Variants in NXPH2 observed in about 807,000 individuals in gnomAD.
NXPH2 encodes neurexophilin 2.
Under a neutral mutation model 19.8 loss-of-function variants are expected in NXPH2, and 5 were observed. The ratio of observed to expected loss-of-function variants is 0.25; its 90% CI spans 0.13 to 0.53. The LOEUF is 0.53. NXPH2 is among the 20% of genes least tolerant of loss of function. The probability of loss-of-function intolerance (pLI) is 0.96; values close to 1 mark genes in which losing one functional copy is unlikely to be tolerated. For synonymous variants in NXPH2, 154 were observed against 127.4 expected (o/e 1.21, Z -1.41); for missense variants, 289 against 322.8 (o/e 0.90, Z 0.80).
At chr2:138,742,915 G>C (rs976505523) in intron 1 of NXPH2, among the ~76,000 whole-genome samples, 3 of 152,070 alleles carry the variant, frequency 2.0e-5, no homozygotes, top group African/African-American at 7.2e-5. Context: ...AACAAATATT[G>C]ATTGGTCTCG....
In NXPH2 at chr2:138,671,291, G is replaced by A; in HGVS notation, c.426C>T (p.Phe142=). The stretch of plus-strand genomic sequence containing the variant: ...TTGAATTATGTCGGAAATACACACT[G>A]AAGGTTCCATTTCCATGGTCAACAA... ...GKIVDHGNGT[F]SVYFRHNSTG... is the part of the protein sequence containing the mutation. Residue 142 remains phenylalanine (F), a synonymous_variant, in exon 2 of 2, where the codon TTC becomes TTT. Transcript: ENST00000272641. 6.2e-7 allele frequency: 1 copy of A among 1,613,894 alleles called. No individual in the cohort carries two copies. Among genetic ancestry groups the A allele is most frequent in the Non-Finnish European group, 8.5e-7 (1 of 1,179,828 alleles).
chr2:138,713,338 CT>C (rs1573963458), intron 1 of NXPH2, among the ~76,000 whole-genome samples: 1 of 152,140 alleles, frequency 6.6e-6, no homozygotes, highest in East Asian at 1.9e-4. Flanking sequence ...GAAGAGGGAC[CT>C]TTGTACGTTG....
intron 1 of NXPH2, among the ~76,000 whole-genome samples, chr2:138,686,283 C>T (rs924664248): frequency 5.3e-5 from 8 of 152,144 alleles, no homozygotes; most frequent in African/African-American, 1.9e-4. Flanking sequence ...CACCAGCAAC[C>T]TCTTCCCGTA....
intron 1 of NXPH2, among the ~76,000 whole-genome samples, chr2:138,778,893 C>T (rs1682307279): frequency 6.6e-6 from 1 of 152,134 alleles, no homozygotes; most frequent in Non-Finnish European, 1.5e-5. Context: ...TTCTTGATGC[C>T]ATTGAAGAGT....
intron 1 of NXPH2, among the ~76,000 whole-genome samples, chr2:138,687,995 T>A (rs1342376708): frequency 6.6e-6 from 1 of 152,230 alleles, no homozygotes; most frequent in Non-Finnish European, 1.5e-5. Flanking sequence ...TTTGTTCTTT[T>A]GGCTTAGGAT....
chr2:138,671,631 G>A lies in NXPH2; in HGVS notation c.86C>T (p.Thr29Met), dbSNP rs369626506. ...TTTGTCTTCCCAATCCAGCCCCTCC[G>A]TGGCATGCACCACTTCCTTACTGTC... is the stretch of plus-strand genomic sequence containing the variant. ...FCDSKEVVHATEGLDWEDKDA... is the reference protein window; with the variant it reads ...FCDSKEVVHAMEGLDWEDKDA... Residue 29 changes from threonine to methionine, a missense_variant, in exon 2 of 2, where the codon ACG (threonine) becomes ATG (methionine). By Grantham distance (81) the Thr-to-Met change is moderately conservative. Coordinates refer to ENST00000272641, the MANE Select transcript of NXPH2 (RefSeq NM_007226.3). The A allele has an allele frequency of 3.1e-6, 5 of 1,593,760 alleles. No homozygotes were observed. The African/African-American group carries it at 5.4e-5, about 17-fold the overall frequency.
chr2:138,673,440 T>C (rs1558910199), intron 1 of NXPH2, among the ~76,000 whole-genome samples: 1 of 152,176 alleles, frequency 6.6e-6, no homozygotes, highest in East Asian at 1.9e-4. Flanking sequence ...GATACATGCA[T>C]AAAATGTGTA....
rs559515019 is a variant in NXPH2 at position 138,736,658 on chromosome 2, T to C, written c.51+43533A>G. Among the ~76,000 whole-genome samples, 11 of 152,370 alleles carry C rather than the reference T, an allele frequency of 7.2e-5. No homozygotes were observed. In the South Asian group the frequency reaches 2.1e-3, roughly 29 times the overall value. On this transcript the variant is annotated intron_variant, in intron 1 of 1. Transcript: ENST00000272641. The stretch of plus-strand genomic sequence containing the variant: ...TTAACATTTGGCTCCAGGTTACTTA[T>C]GCAAATTTCTGCAGCCAGCTTGAAT...
chr2:138,752,406 A>C (rs1396108302), intron 1 of NXPH2, among the ~76,000 whole-genome samples: 1 of 152,174 alleles, frequency 6.6e-6, no homozygotes, highest in Non-Finnish European at 1.5e-5. Flanking sequence ...TTCAAAAGAG[A>C]TATCTACATC....
At chr2:138,688,392 G>A (rs1025726507) in intron 1 of NXPH2, among the ~76,000 whole-genome samples, 1 of 152,104 alleles carries the variant, frequency 6.6e-6, no homozygotes. Context: ...GTGTTGCCCA[G>A]GCTGGTCTTG....
At chr2:138,687,825 G>C (rs1442607206) in intron 1 of NXPH2, among the ~76,000 whole-genome samples, 4 of 152,086 alleles carry the variant, frequency 2.6e-5, no homozygotes, top group African/African-American at 9.7e-5. Context: ...TTTTTGTCAG[G>C]TTTGTCAAAG....
chr2:138,767,672 C>T (rs13002439), intron 1 of NXPH2, among the ~76,000 whole-genome samples: 3,823 of 152,172 alleles, frequency 0.025, 64 homozygotes, highest in Middle Eastern at 0.071. Context: ...TAAGATAAAA[C>T]GTTTTTTTCC....
chr2:138,695,575 G>T (rs1010425958), intron 1 of NXPH2, among the ~76,000 whole-genome samples: 19 of 151,992 alleles, frequency 1.3e-4, no homozygotes, highest in Non-Finnish European at 2.5e-4. Flanking sequence ...AGGTAAAAAT[G>T]ATTTTTATTC....
intron 1 of NXPH2, among the ~76,000 whole-genome samples, chr2:138,712,402 A>G (rs1208223404): frequency 6.6e-6 from 1 of 152,194 alleles, no homozygotes; most frequent in Non-Finnish European, 1.5e-5. Flanking sequence ...TAGGCCAAAG[A>G]TCATTTCCTG....
intron 1 of NXPH2, among the ~76,000 whole-genome samples, chr2:138,703,117 T>C (rs778035829): frequency 1.3e-5 from 2 of 152,226 alleles, no homozygotes; most frequent in Non-Finnish European, 2.9e-5. Flanking sequence ...ATTTTTCTTT[T>C]ATATCGTCAG....
chr2:138,748,007 C>T (rs561261671), intron 1 of NXPH2, among the ~76,000 whole-genome samples: 13 of 152,280 alleles, frequency 8.5e-5, no homozygotes, highest in African/African-American at 3.1e-4. Flanking sequence ...AACATCTTCC[C>T]TCTGACATAG....
chr2:138,687,736 A>T (rs376836044), intron 1 of NXPH2, among the ~76,000 whole-genome samples: 1 of 152,150 alleles, frequency 6.6e-6, no homozygotes, highest in Non-Finnish European at 1.5e-5. Context: ...GGAAGGGATC[A>T]AGTTTCAGCT....
chr2:138,713,845 T>G (rs35782395), intron 1 of NXPH2, among the ~76,000 whole-genome samples: 36,337 of 151,942 alleles, frequency 0.24, 5,097 homozygotes, highest in East Asian at 0.54. Flanking sequence ...ATTTTCAGCG[T>G]AAATTACTGA....
At chr2:138,716,683 G>A (rs969544898) in intron 1 of NXPH2, among the ~76,000 whole-genome samples, 19 of 152,126 alleles carry the variant, frequency 1.2e-4, no homozygotes, top group African/African-American at 4.3e-4. Context: ...CTTATGATCG[G>A]TTCCACCCAA....
Sources: gnomAD v4.1 joint callset for allele counts (sites outside exome capture counted in the v4.1 genomes callset) on GRCh38, gnomAD v4.1.1 for gene constraint, MANE v1.5 for transcripts, NCBI Gene and HGNC (gene_info 2026-07-23, HGNC 2026-07-21) for gene names.